Variants in THADA observed in about 807,000 individuals in gnomAD.
THADA encodes the protein tRNA (32-2'-O)-methyltransferase regulator THADA.
In THADA, 213 loss-of-function variants were observed where a neutral mutation model predicts 219.8. The observed-to-expected ratio is 0.97, with a 90% CI of 0.87 to 1.09. The LOEUF is 1.09. Ranked by LOEUF, THADA falls within the 50% of genes least tolerant of loss-of-function variation. The probability of loss-of-function intolerance (pLI) is 0.00; values close to 1 mark genes in which losing one functional copy is unlikely to be tolerated. For synonymous variants in THADA, 1,018 were observed against 828.9 expected, an observed-to-expected ratio of 1.23 and a Z score of -3.92; for missense variants, 2,956 against 2,311.3, an observed-to-expected ratio of 1.28 and a Z score of -5.72.
intron 28 of THADA, among the ~76,000 whole-genome samples, chr2:43,398,534 G>A (rs1674386523): frequency 6.6e-6 from 1 of 152,148 alleles, no homozygotes; most frequent in South Asian, 2.1e-4. Context: ...TTGGCCAGAG[G>A]AAAAGTACAT....
chr2:43,274,455 C>T (rs994242619), intron 36 of THADA, among the ~76,000 whole-genome samples: 2 of 152,172 alleles, frequency 1.3e-5, no homozygotes, highest in Admixed American at 1.3e-4. Flanking sequence ...ATTGAGCACC[C>T]ACTGTGTACC....
chr2:43,507,056 T>C lies in THADA; in HGVS notation c.3508-1321A>G, dbSNP rs542570573. On this transcript the variant is annotated intron_variant, in intron 23 of 37. Coordinates refer to ENST00000405975, the MANE Select transcript of THADA (RefSeq NM_022065.5). ...GTAAACTCACAAACTAAGTAGACAG[T>C]TCTTTTCCATAGCTAACACTAAGCA... 1.1e-4 allele frequency among the ~76,000 whole-genome samples: 16 copies of C among 152,310 alleles called. No individual in the cohort carries two copies. In the South Asian group the frequency reaches 2.7e-3, roughly 26 times the overall value.
intron 36 of THADA, among the ~76,000 whole-genome samples, chr2:43,246,352 G>A (rs1015647874): frequency 8.5e-5 from 13 of 152,106 alleles, no homozygotes; most frequent in African/African-American, 2.7e-4. Flanking sequence ...AAAATTAGCC[G>A]GGCACGGTGG....
chr2:43,481,287 A>G (rs1012616395), intron 26 of THADA, among the ~76,000 whole-genome samples: 4 of 152,228 alleles, frequency 2.6e-5, no homozygotes, highest in Non-Finnish European at 5.9e-5. Context: ...ATCTCCCAAC[A>G]TAGTCACTAG....
At chr2:43,547,621 T>G (rs1380171095) in intron 20 of THADA, among the ~76,000 whole-genome samples, 2 of 152,238 alleles carry the variant, frequency 1.3e-5, no homozygotes, top group Non-Finnish European at 2.9e-5. Context: ...TCATTTCATC[T>G]TCCATCACTG....
At chr2:43,471,684 ACAAT>A (rs1475849843) in intron 26 of THADA, among the ~76,000 whole-genome samples, 3 of 152,262 alleles carry the variant, frequency 2.0e-5, no homozygotes, top group South Asian at 2.1e-4. Context: ...ACATGTAACA[ACAAT>A]CAAACACTTA....
At chr2:43,322,184 G>C (rs566411327) in intron 30 of THADA, among the ~76,000 whole-genome samples, 1 of 151,940 alleles carries the variant, frequency 6.6e-6, no homozygotes, top group African/African-American at 2.4e-5. Context: ...CAGGGGGTAA[G>C]ACTGAAAAAC....
Position 43,313,557 on chromosome 2 carries a change from A to G in THADA, c.4438+6889T>C, listed in dbSNP as rs531133389. Reference sequence around the variant, plus strand: ...TGGCCATAGGTCCACTTTCCAAGGGAAAAAGGGCAGGTGGCTGCCCGGGAG... The same window carrying G: ...TGGCCATAGGTCCACTTTCCAAGGGGAAAAGGGCAGGTGGCTGCCCGGGAG... On this transcript the variant is annotated intron_variant, in intron 31 of 37. Transcript: ENST00000405975. 1.2e-4 allele frequency among the ~76,000 whole-genome samples: 18 copies of G among 152,320 alleles called. No individual in the cohort carries two copies. The South Asian group carries it at 2.1e-3, about 18-fold the overall frequency.
At chr2:43,394,081 T>C (rs1283377587) in intron 29 of THADA, among the ~76,000 whole-genome samples, 1 of 152,212 alleles carries the variant, frequency 6.6e-6, no homozygotes. Flanking sequence ...CTGCTAGTGA[T>C]GTTCCCAAAT....
intron 29 of THADA, among the ~76,000 whole-genome samples, chr2:43,371,479 G>C (rs1670798127): frequency 6.6e-6 from 1 of 152,174 alleles, no homozygotes; most frequent in Non-Finnish European, 1.5e-5. Flanking sequence ...GCAATGCTCA[G>C]TTTTTGTTGA....
At chr2:43,547,177 T>C (rs1337961003) in intron 20 of THADA, among the ~76,000 whole-genome samples, 1 of 152,214 alleles carries the variant, frequency 6.6e-6, no homozygotes, top group Non-Finnish European at 1.5e-5. Flanking sequence ...AATTCTTTTC[T>C]TTAAGAATGT....
At chr2:43,372,866 C>T (rs1218212071) in intron 29 of THADA, among the ~76,000 whole-genome samples, 1 of 152,138 alleles carries the variant, frequency 6.6e-6, no homozygotes, top group African/African-American at 2.4e-5. Flanking sequence ...CACACCTTCG[C>T]TAATTTTTTG....
At chr2:43,253,890 T>C (rs1391337873) in intron 36 of THADA, among the ~76,000 whole-genome samples, 3 of 152,072 alleles carry the variant, frequency 2.0e-5, no homozygotes, top group African/African-American at 7.2e-5. Flanking sequence ...TGGCCTAGCA[T>C]TCCAGGTTTT....
chr2:43,571,980 T>C (rs979127142), intron 12 of THADA, 118 bp from the exon 13 acceptor site: 3 of 851,150 alleles, frequency 3.5e-6, no homozygotes, highest in Non-Finnish European at 5.4e-6. Context: ...AGTTCACCAA[T>C]AGGTACCTCA....
intron 30 of THADA, among the ~76,000 whole-genome samples, chr2:43,324,832 C>A (rs967303249): frequency 6.6e-6 from 1 of 151,810 alleles, no homozygotes; most frequent in Non-Finnish European, 1.5e-5. Flanking sequence ...TTTCTACCCC[C>A]AAATGGAAAA....
At chr2:43,448,640 C>A (rs1681901200) in intron 26 of THADA, among the ~76,000 whole-genome samples, 1 of 133,300 alleles carries the variant, frequency 7.5e-6, no homozygotes, top group South Asian at 2.4e-4. Context: ...TATTTAAAGT[C>A]TAGGACATTC....
intron 28 of THADA, among the ~76,000 whole-genome samples, chr2:43,414,297 A>G (rs1461662650): frequency 6.6e-6 from 1 of 152,222 alleles, no homozygotes; most frequent in African/African-American, 2.4e-5. Context: ...AGTGGCATCA[A>G]GTACATTTAC....
At chr2:43,388,096 C>T (rs1173965512) in intron 29 of THADA, among the ~76,000 whole-genome samples, 1 of 152,156 alleles carries the variant, frequency 6.6e-6, no homozygotes, top group Non-Finnish European at 1.5e-5. Flanking sequence ...CGTGCAATCT[C>T]AAATATGCTA....
intron 26 of THADA, among the ~76,000 whole-genome samples, chr2:43,448,562 T>TTC (rs1374234125): frequency 3.7e-5 from 5 of 134,194 alleles, no homozygotes; most frequent in East Asian, 4.0e-4. Context: ...CTTCCTTTCT[T>TTC]TTTTTTTTTT....
Sources: gnomAD v4.1 joint callset for allele counts (sites outside exome capture counted in the v4.1 genomes callset) on GRCh38, gnomAD v4.1.1 for gene constraint, MANE v1.5 for transcripts, NCBI Gene and HGNC (gene_info 2026-07-23, HGNC 2026-07-21) for gene names.